Variants in ZNF652 observed in about 807,000 individuals in gnomAD.
ZNF652 encodes zinc finger protein 652.
Under a neutral mutation model 45.2 loss-of-function variants are expected in ZNF652, and 16 were observed. The observed-to-expected ratio is 0.35, with a 90% CI of 0.24 to 0.54. The LOEUF (loss-of-function observed/expected upper bound fraction) is 0.54. Among genes scored for constraint, ZNF652 ranks in the 20% least tolerant of loss-of-function variants. The pLI, the probability that ZNF652 is intolerant of heterozygous loss-of-function variation, is 0.91. For missense variants in ZNF652, 614 were observed against 765.6 expected, an observed-to-expected ratio of 0.80 and a Z score of 2.34; for synonymous variants, 250 against 260.6, an observed-to-expected ratio of 0.96 and a Z score of 0.39.
intron 1 of ZNF652, among the ~76,000 whole-genome samples, chr17:49,319,424 G>C (rs2069856859): frequency 6.6e-6 from 1 of 151,718 alleles, no homozygotes; most frequent in Non-Finnish European, 1.5e-5. Context: ...CACGAGGTCA[G>C]GAGATCGAGA....
intron 2 of ZNF652, among the ~76,000 whole-genome samples, chr17:49,315,795 A>G (rs946803167): frequency 6.6e-6 from 1 of 152,196 alleles, no homozygotes; most frequent in African/African-American, 2.4e-5. Flanking sequence ...TCAAGTCACA[A>G]TTGGTGAATC....
At chr17:49,324,838 T>C (rs1285534034) in intron 1 of ZNF652, among the ~76,000 whole-genome samples, 4 of 150,700 alleles carry the variant, frequency 2.7e-5, no homozygotes, top group African/African-American at 9.8e-5. Flanking sequence ...CCTCCTGGGT[T>C]CAAGCATTTC....
At chr17:49,315,305 T>C (rs563581718) in intron 2 of ZNF652, among the ~76,000 whole-genome samples, 1 of 152,204 alleles carries the variant, frequency 6.6e-6, no homozygotes, top group East Asian at 1.9e-4. Flanking sequence ...CCTCCCAAAG[T>C]GCTAGGATTA....
intron 2 of ZNF652, among the ~76,000 whole-genome samples, chr17:49,313,936 C>T (rs1382696628): frequency 2.8e-5 from 3 of 108,364 alleles, no homozygotes; most frequent in African/African-American, 1.1e-4. Flanking sequence ...CGTGCCATTG[C>T]ACTCCAGCCT....
chr17:49,331,735 G>A (rs1293501287), intron 1 of ZNF652, among the ~76,000 whole-genome samples: 1 of 152,080 alleles, frequency 6.6e-6, no homozygotes, highest in Non-Finnish European at 1.5e-5. Context: ...TATACATTTG[G>A]CCTACAAAAA....
At chr17:49,312,333 T>G (rs1014334942) in intron 3 of ZNF652, among the ~76,000 whole-genome samples, 2 of 151,908 alleles carry the variant, frequency 1.3e-5, no homozygotes, top group African/African-American at 2.4e-5. Flanking sequence ...GCCCAGCTAA[T>G]TTTTGTATTT....
chr17:49,354,615 AAAAAAAAC>A (rs950325707), intron 1 of ZNF652, among the ~76,000 whole-genome samples: 101 of 151,374 alleles, frequency 6.7e-4, no homozygotes, highest in South Asian at 1.0e-3. Context: ...CGCCTCAAAA[AAAAAAAAC>A]AAAAAAACAA....
chr17:49,331,463 T>G (rs2143850223), intron 1 of ZNF652, among the ~76,000 whole-genome samples: 1 of 152,098 alleles, frequency 6.6e-6, no homozygotes, highest in South Asian at 2.1e-4. Flanking sequence ...CACCACAAAT[T>G]AGAACTGAGA....
chr17:49,354,791 T>C (rs547706778), intron 1 of ZNF652, among the ~76,000 whole-genome samples: 1 of 152,116 alleles, frequency 6.6e-6, no homozygotes, highest in South Asian at 2.1e-4. Context: ...AGTGGTGCAA[T>C]CTTGGCTCAC....
intron 1 of ZNF652, among the ~76,000 whole-genome samples, chr17:49,358,724 C>T (rs1387062263): frequency 6.6e-6 from 1 of 152,134 alleles, no homozygotes; most frequent in Non-Finnish European, 1.5e-5. Context: ...GAGATTACTT[C>T]CCATACTTAG....
intron 5 of ZNF652, 150 bp downstream of exon 5, chr17:49,311,162 A>G: frequency 1.3e-6 from 1 of 752,504 alleles, no homozygotes. Context: ...AGTATCACTA[A>G]TCTATATTTT....
At chr17:49,341,393 C>T (rs1213347178) in intron 1 of ZNF652, among the ~76,000 whole-genome samples, 2 of 147,098 alleles carry the variant, frequency 1.4e-5, no homozygotes, top group African/African-American at 2.5e-5. Flanking sequence ...TGGCTCATGG[C>T]TGTAATCCCA....
intron 1 of ZNF652, among the ~76,000 whole-genome samples, chr17:49,345,350 G>A (rs1021344310): frequency 1.3e-5 from 2 of 151,288 alleles, no homozygotes; most frequent in Non-Finnish European, 2.9e-5. Context: ...TTATAGGTAT[G>A]TTCCACTAGG....
At position 49,298,591 on chromosome 17, in the gene ZNF652, G is replaced by A. The variant is rs763059464; in HGVS notation, c.1643C>T (p.Ser548Leu). The A allele has an allele frequency of 1.2e-6, 2 of 1,612,148 alleles. No homozygotes were observed. Among genetic ancestry groups the A allele is most frequent in the South Asian group, 2.2e-5 (2 of 90,920 alleles). Residue 548 changes from serine (S) to leucine (L), a missense_variant, in exon 6 of 6, where the codon TCA becomes TTA. Ser to Leu is a moderately radical substitution (Grantham distance 145). This residue lies in a region of ZNF652 where 132 missense variants were observed against 137.2 expected (regional missense o/e 0.96). Transcript: ENST00000430262. Reference protein sequence around the residue: ...LPPRPIPHPFSHLHIHPHPHH... With the variant: ...LPPRPIPHPFLHLHIHPHPHH... The stretch of plus-strand genomic sequence containing the variant: ...AGGGTGTGGGTGGATGTGCAGGTGT[G>A]AGAAGGGGTGGGGGATGGGCCGAGG...
rs2069493925 is a variant in ZNF652 at position 49,297,652 on chromosome 17, G to GTACGGATGTAAGAATAGCTT, written c.*741_*760dup. 6.6e-6 allele frequency: 1 copy of GTACGGATGTAAGAATAGCTT among 152,626 alleles called. No individual in the cohort carries two copies. Among genetic ancestry groups the GTACGGATGTAAGAATAGCTT allele is most frequent in the East Asian group, 1.9e-4 (1 of 5,202 alleles). The allele number at this position is 152,626 out of a possible 1,614,324, so 9.5% of individuals were successfully genotyped here. A position where few individuals can be genotyped will look rare whatever the true frequency, so the allele number is the denominator to read the frequency against. Reference sequence around the variant, plus strand: ...TAGTCTCTGAAGCACCTTTTGAGTTGTACGGATGTAAGAATAGCTTTGAAT... The same window carrying GTACGGATGTAAGAATAGCTT: ...TAGTCTCTGAAGCACCTTTTGAGTTGTACGGATGTAAGAATAGCTTTACGGATGTAAGAATAGCTTTGAAT... On this transcript the variant is annotated 3_prime_UTR_variant, in exon 6 of 6. Coordinates refer to ENST00000430262, the MANE Select transcript of ZNF652 (RefSeq NM_001145365.3).
intron 5 of ZNF652, among the ~76,000 whole-genome samples, chr17:49,307,235 G>A (rs1023857868): frequency 5.9e-5 from 9 of 151,406 alleles, no homozygotes; most frequent in African/African-American, 1.9e-4. Context: ...AGGAGTTTTA[G>A]AGCCTGGCCA....
Position 49,359,985 on chromosome 17 carries a change from C to T in ZNF652, c.-259+1924G>A, listed in dbSNP as rs1348288808. ...TCAGGATAGGCATTATAAAACAGACCTTGGACTTTGCTGTTGAAATTTGCT... is the reference window on the plus strand; with the variant it reads ...TCAGGATAGGCATTATAAAACAGACTTTGGACTTTGCTGTTGAAATTTGCT... On this transcript the variant is annotated intron_variant, in intron 1 of 5. Coordinates refer to ENST00000430262, the MANE Select transcript of ZNF652 (RefSeq NM_001145365.3). Among the ~76,000 whole-genome samples, 3 of 152,146 alleles carry T rather than the reference C, an allele frequency of 2.0e-5. No individual in the cohort carries two copies. The East Asian group carries it at 5.8e-4, about 29-fold the overall frequency.
At chr17:49,349,093 G>A (rs1014748937) in intron 1 of ZNF652, among the ~76,000 whole-genome samples, 2 of 152,002 alleles carry the variant, frequency 1.3e-5, no homozygotes, top group South Asian at 2.1e-4. Context: ...TGCCAATTCC[G>A]TCCTCCTCTG....
chr17:49,352,219 T>G (rs139522476), intron 1 of ZNF652, among the ~76,000 whole-genome samples: 19 of 152,338 alleles, frequency 1.2e-4, no homozygotes, highest in Admixed American at 1.0e-3. Flanking sequence ...GTTTGTACTT[T>G]AGTTGAGAAG....
Sources: gnomAD v4.1 joint callset for allele counts (sites outside exome capture counted in the v4.1 genomes callset) on GRCh38, gnomAD v4.1.1 for gene constraint, gnomAD v4.1.1 regional missense constraint, MANE v1.5 for transcripts, NCBI Gene and HGNC (gene_info 2026-07-23, HGNC 2026-07-21) for gene names.